Variants in CDH10 observed in about 807,000 individuals in gnomAD.
The protein encoded by CDH10 is cadherin 10.
Under a neutral mutation model 73.1 loss-of-function variants are expected in CDH10, and 30 were observed. The ratio of observed to expected loss-of-function variants is 0.41; its 90% confidence interval spans 0.31 to 0.56. The LOEUF (loss-of-function observed/expected upper bound fraction) is 0.56. Among genes scored for constraint, CDH10 ranks in the 20% least tolerant of loss-of-function variants. The pLI is 0.27. For missense variants in CDH10, 815 were observed against 973.7 expected (o/e 0.84, Z 2.17); for synonymous variants, 345 against 348.2 (o/e 0.99, Z 0.10).
At chr5:24,507,456 G>A (rs1742737963) in intron 7 of CDH10, among the ~76,000 whole-genome samples, 1 of 151,214 alleles carries the variant, frequency 6.6e-6, no homozygotes, top group South Asian at 2.1e-4. Flanking sequence ...CTTTAGACTT[G>A]CATCCTCATT....
chr5:24,561,781 A>C (rs535403144), intron 2 of CDH10, among the ~76,000 whole-genome samples: 55 of 152,290 alleles, frequency 3.6e-4, no homozygotes, highest in Non-Finnish European at 6.5e-4. Context: ...GAAGAAGCTC[A>C]AGCTTGGAGC....
intron 8 of CDH10, among the ~76,000 whole-genome samples, chr5:24,503,228 C>T (rs748329699): frequency 3.3e-4 from 50 of 152,096 alleles, no homozygotes; most frequent in African/African-American, 4.8e-4. Flanking sequence ...GACCTTGATA[C>T]GTGTTTGTGG....
chr5:24,541,955 T>C (rs1249383800), intron 2 of CDH10, among the ~76,000 whole-genome samples: 1 of 152,130 alleles, frequency 6.6e-6, no homozygotes, highest in Admixed American at 6.6e-5. Context: ...CATTTAATTG[T>C]AATACATTAT....
intron 1 of CDH10, among the ~76,000 whole-genome samples, chr5:24,632,920 G>T (rs1747751786): frequency 6.6e-6 from 1 of 151,562 alleles, no homozygotes; most frequent in Non-Finnish European, 1.5e-5. Flanking sequence ...ATGATGATGA[G>T]GAGGACAATG....
intron 1 of CDH10, among the ~76,000 whole-genome samples, chr5:24,617,478 G>A (rs1747164719): frequency 6.6e-6 from 1 of 152,116 alleles, no homozygotes; most frequent in African/African-American, 2.4e-5. Flanking sequence ...AAAATTTGCT[G>A]ATAAAATTAG....
intron 2 of CDH10, among the ~76,000 whole-genome samples, chr5:24,564,583 C>T (rs951045876): frequency 2.0e-5 from 3 of 152,106 alleles, no homozygotes; most frequent in Non-Finnish European, 2.9e-5. Flanking sequence ...AGCAAGTCCC[C>T]CACGGCCCCC....
chr5:24,632,301 T>C (rs951996229), intron 1 of CDH10, among the ~76,000 whole-genome samples: 53 of 151,228 alleles, frequency 3.5e-4, no homozygotes, highest in African/African-American at 1.3e-3. Context: ...GAAGGTTGCA[T>C]GCAAATTTTA....
intron 1 of CDH10, among the ~76,000 whole-genome samples, chr5:24,630,302 C>G (rs763333716): frequency 2.0e-5 from 3 of 152,006 alleles, no homozygotes; most frequent in Non-Finnish European, 4.4e-5. Flanking sequence ...AATCCCAGCA[C>G]TTTGTAATCC....
At chr5:24,560,224 G>GTGTA (rs1744911200) in intron 2 of CDH10, among the ~76,000 whole-genome samples, 1 of 149,858 alleles carries the variant, frequency 6.7e-6, no homozygotes, top group African/African-American at 2.4e-5. Context: ...GTGTGTGTGT[G>GTGTA]TGTGTGTGTG....
chr5:24,495,856 C>CA (rs59901498), intron 9 of CDH10, among the ~76,000 whole-genome samples: 4,096 of 120,862 alleles, frequency 0.034, 188 homozygotes, highest in African/African-American at 0.1. Context: ...CTTCCTCAAA[C>CA]AAAAAAAAAA....
rs375795487 is a variant in CDH10, at chr5:24,535,861, A to C, written c.527-39T>G. 4.0e-6 allele frequency: 6 copies of C among 1,485,276 alleles called. No homozygotes were observed. The African/African-American group carries it at 8.3e-5, about 21-fold the overall frequency. The allele number at this position is 1,485,276 out of a possible 1,614,324, so 92.0% of individuals were successfully genotyped here. A position where few individuals can be genotyped will look rare whatever the true frequency, so the allele number is the denominator to read the frequency against. ...ATTCAGCTTAGTTCTGCACAGTACCAGAAGGAGGAGCAAAAGCACTGGTTT... is the reference window on the plus strand; with the variant it reads ...ATTCAGCTTAGTTCTGCACAGTACCCGAAGGAGGAGCAAAAGCACTGGTTT... On this transcript the variant is annotated intron_variant, in intron 3 of 11. Transcript: ENST00000264463.
chr5:24,549,068 T>C (rs1350968069), intron 2 of CDH10, among the ~76,000 whole-genome samples: 2 of 152,146 alleles, frequency 1.3e-5, no homozygotes, highest in African/African-American at 4.8e-5. Context: ...GCAAATTGGA[T>C]ACAGAAAAAT....
At chr5:24,592,758 AT>A (rs1458125114) in intron 2 of CDH10, among the ~76,000 whole-genome samples, 1 of 151,796 alleles carries the variant, frequency 6.6e-6, no homozygotes, top group East Asian at 1.9e-4. Flanking sequence ...AATAAATAAC[AT>A]TCATACCTAG....
intron 2 of CDH10, among the ~76,000 whole-genome samples, chr5:24,564,949 G>A (rs570329648): frequency 6.6e-6 from 1 of 152,114 alleles, no homozygotes. Context: ...TTGAGTATAT[G>A]CCCACCATAC....
chr5:24,527,343 ATATACT>A (rs36216097), intron 5 of CDH10, among the ~76,000 whole-genome samples: 1,631 of 148,280 alleles, frequency 0.011, 35 homozygotes, highest in African/African-American at 0.038. Flanking sequence ...ATATAATCAA[ATATACT>A]TATATTTATA....
At chr5:24,491,169 A>G (rs908203849) in intron 11 of CDH10, among the ~76,000 whole-genome samples, 3 of 152,188 alleles carry the variant, frequency 2.0e-5, no homozygotes, top group Admixed American at 2.0e-4. Context: ...GGTTCCGAAG[A>G]TCTCTTAATT....
intron 1 of CDH10, among the ~76,000 whole-genome samples, chr5:24,595,368 A>C (rs1247323843): frequency 6.6e-6 from 1 of 151,974 alleles, no homozygotes; most frequent in Non-Finnish European, 1.5e-5. Context: ...TCAAAGAAAT[A>C]AGATTAATAG....
chr5:24,589,281 ATCT>A (rs998685337), intron 2 of CDH10, among the ~76,000 whole-genome samples: 10 of 152,126 alleles, frequency 6.6e-5, no homozygotes, highest in Admixed American at 5.2e-4. Context: ...AGGTCAGGAG[ATCT>A]TGTTAGAAGT....
chr5:24,593,861 T>C (rs917602520), intron 1 of CDH10, among the ~76,000 whole-genome samples: 6 of 151,902 alleles, frequency 3.9e-5, no homozygotes, highest in Non-Finnish European at 5.9e-5. Flanking sequence ...TAGGCTTTTT[T>C]TTCTTTTGGC....
Sources: allele counts gnomAD v4.1 joint callset (sites outside exome capture counted in the v4.1 genomes callset), GRCh38; gene constraint gnomAD v4.1.1; transcripts MANE v1.5; gene names NCBI Gene and HGNC (gene_info 2026-07-23, HGNC 2026-07-21).